Variants in SLC39A6 observed in about 807,000 individuals in gnomAD.
SLC39A6 encodes solute carrier family 39 member 6.
SLC39A6 carries 51 observed loss-of-function variants against 63.5 expected under a neutral mutation model. The ratio of observed to expected loss-of-function variants is 0.80; its 90% CI spans 0.64 to 1.01. The LOEUF (loss-of-function observed/expected upper bound fraction) is 1.01. SLC39A6 is among the 50% of genes least tolerant of loss of function. The pLI is 0.00. For synonymous variants in SLC39A6, 318 were observed against 324.7 expected, an observed-to-expected ratio of 0.98 and a Z score of 0.22; for missense variants, 805 against 927.8, an observed-to-expected ratio of 0.87 and a Z score of 1.72.
In SLC39A6 at chr18:36,111,090, C is replaced by A; in HGVS notation, c.2084G>T (p.Gly695Val). The stretch of plus-strand genomic sequence containing the variant: ...AACCAGAGCAACATACATGAATAAG[C>A]CAGCAGTAAGTGCAAATATCCACAT... ...VSMWIFALTA[G>V]LFMYVALVDM... is the part of the protein sequence containing the mutation. Residue 695 changes from glycine (G) to valine (V), a missense_variant, in exon 9 of 10, where the codon GGC becomes GTC. Gly to Val is a moderately radical substitution (Grantham distance 109). Around this residue, in one of 4 missense-constraint regions of SLC39A6, gnomAD observed 145 missense variants for 227.2 expected, o/e 0.64. Transcript: ENST00000269187. 6.2e-7 allele frequency: 1 copy of A among 1,614,034 alleles called. No individual in the cohort carries two copies. The highest frequency in any genetic ancestry group is 8.5e-7 in the Non-Finnish European group (1 of 1,179,916).
intron 4 of SLC39A6, 52 bp downstream of exon 4, chr18:36,123,439 ATTTT>A (rs991510052): frequency 6.3e-6 from 9 of 1,435,918 alleles, no homozygotes; most frequent in Non-Finnish European, 8.4e-6. Context: ...AAACCAAAAC[ATTTT>A]TTTTTCAATG....
intron 1 of SLC39A6, among the ~76,000 whole-genome samples, chr18:36,128,003 A>C (rs1385492373): frequency 6.6e-6 from 1 of 152,200 alleles, no homozygotes; most frequent in East Asian, 1.9e-4. Flanking sequence ...GAATTCTTAA[A>C]GTAAACTGAA....
chr18:36,112,638 T>C, intron 7 of SLC39A6, 57 bp from the exon 8 acceptor site: 2 of 1,312,020 alleles, frequency 1.5e-6, no homozygotes, highest in Non-Finnish European at 2.2e-6. Context: ...TTTTTAATCT[T>C]ATCAGTATGC....
Position 36,109,538 on chromosome 18 carries a change from A to G in SLC39A6, c.*55T>C, listed in dbSNP as rs745824157. 9.8e-6 allele frequency: 14 copies of G among 1,422,952 alleles called. No homozygotes were observed. The highest frequency in any genetic ancestry group is 1.8e-5 in the Admixed American group (1 of 55,584). 88.1% of individuals were successfully genotyped at this position (1,422,952 alleles called of 1,614,324 possible). On this transcript the variant is annotated 3_prime_UTR_variant, in exon 10 of 10. Coordinates refer to ENST00000269187, the MANE Select transcript of SLC39A6 (RefSeq NM_012319.4). ...GTACAGCATACAAACTCATCTCCCT[A>G]TGACCTACTGAAACTATGACAACTT...
At chr18:36,110,778 G>A (rs982131217) in intron 9 of SLC39A6, among the ~76,000 whole-genome samples, 3 of 152,048 alleles carry the variant, frequency 2.0e-5, no homozygotes, top group Non-Finnish European at 4.4e-5. Context: ...CTGACCTCAC[G>A]TGATCTGCCT....
intron 2 of SLC39A6, 95 bp from the exon 3 acceptor site, chr18:36,124,795 T>C (rs2089422809): frequency 5.0e-6 from 5 of 1,002,100 alleles, no homozygotes; most frequent in Non-Finnish European, 6.9e-6. Context: ...TACTTCGTTT[T>C]CTCGAGTTAA....
chr18:36,124,558 T>G lies in SLC39A6; in HGVS notation c.932A>C (p.Lys311Thr). The G allele has an allele frequency of 6.4e-7, 1 of 1,573,282 alleles. No individual in the cohort carries two copies. Among genetic ancestry groups the G allele is most frequent in the Non-Finnish European group, 8.7e-7 (1 of 1,148,204 alleles). ...ATAGGTCTTTGGAGGGATTTCAGCC[T>G]TCTTTTCACTTGTATGAATCAGACA... ...RSCLIHTSEK[K>T]AEIPPKTYSL... Residue 311 changes from lysine to threonine, a missense_variant, in exon 3 of 10, where the codon AAG becomes ACG. Transcript: ENST00000269187.
At chr18:36,112,311 C>T (rs187922425) in intron 8 of SLC39A6, among the ~76,000 whole-genome samples, 190 bp downstream of exon 8, 2 of 152,286 alleles carry the variant, frequency 1.3e-5, no homozygotes, top group East Asian at 3.9e-4. Flanking sequence ...AAGATGATTC[C>T]TTTGTATCCT....
In SLC39A6 at chr18:36,126,757, A is replaced by G. The variant is rs2089442933; in HGVS notation, c.251T>C (p.Ile84Thr). The change falls in exon 2 of 10, where the codon ATA becomes ACA. Residue 84 changes from isoleucine (I) to threonine (T), a missense_variant. This residue lies in a region of SLC39A6 where 639 missense variants were observed against 644.0 expected (regional missense o/e 0.99). Transcript: ENST00000269187. ...TATATGGATTCTTTTAATCTTATCT[A>G]TGCCTATATTTTGAAGTAATTTTCT... ...GFRKLLQNIG[I>T]DKIKRIHIHH... 1.2e-6 allele frequency: 2 copies of G among 1,614,170 alleles called. No individual in the cohort carries two copies. The highest frequency in any genetic ancestry group is 1.7e-6 in the Non-Finnish European group (2 of 1,180,034).
In SLC39A6 at chr18:36,109,569, G is replaced by C; in HGVS notation, c.*24C>G. 1 of 1,578,246 alleles carries C rather than the reference G, an allele frequency of 6.3e-7. No individual in the cohort carries two copies. The highest frequency in any genetic ancestry group is 1.1e-5 in the South Asian group (1 of 88,854). ...TACTGAAACTATGACAACTTTTTAA[G>C]CTACTCTAGCATTTAAACCTTAACT... On this transcript the variant is annotated 3_prime_UTR_variant, in exon 10 of 10. Transcript: ENST00000269187.
At chr18:36,124,835 C>T (rs889444064) in intron 2 of SLC39A6, 135 bp from the exon 3 acceptor site, 79 of 674,692 alleles carry the variant, frequency 1.2e-4, no homozygotes, top group African/African-American at 9.8e-4. Flanking sequence ...CTGTTTTGAG[C>T]ACTTTGGAAC....
chr18:36,126,631 T>C lies in SLC39A6; in HGVS notation c.377A>G (p.His126Arg), dbSNP rs1397848095. ...ATGATTATGGTGAGAGTGATGATCA[T>C]GGTCAGAGTGATGCTCGTGCTCTGA... ...HHSEHEHHSDHDHHSHHNHAA... is the reference protein window; with the variant it reads ...HHSEHEHHSDRDHHSHHNHAA... Residue 126 changes from histidine (H) to arginine (R), a missense_variant, in exon 2 of 10, where the codon CAT (histidine) becomes CGT (arginine). Transcript: ENST00000269187. The C allele has an allele frequency of 4.3e-6, 7 of 1,613,544 alleles. No individual in the cohort carries two copies. The highest frequency in any genetic ancestry group is 4.2e-6 in the Non-Finnish European group (5 of 1,179,502).
chr18:36,122,761 G>T (rs925699002), intron 4 of SLC39A6, among the ~76,000 whole-genome samples: 1 of 152,196 alleles, frequency 6.6e-6, no homozygotes, highest in Non-Finnish European at 1.5e-5. Flanking sequence ...AGGGAATCGG[G>T]TGTGGAACAC....
intron 1 of SLC39A6, among the ~76,000 whole-genome samples, chr18:36,127,762 T>TG (rs1398827104): frequency 3.3e-5 from 1 of 30,572 alleles, no homozygotes; most frequent in Non-Finnish European, 1.3e-4. Flanking sequence ...CATGTATACT[T>TG]AATTTTTTTT....
chr18:36,126,937 A>G lies in SLC39A6; in HGVS notation c.71T>C (p.Leu24Pro), dbSNP rs747324586. Residue 24 changes from leucine to proline, a missense_variant, in exon 2 of 10, where the codon CTA (leucine) becomes CCA (proline). Physicochemically the swap from Leu to Pro is moderately conservative, Grantham distance 98. Coordinates refer to ENST00000269187, the MANE Select transcript of SLC39A6 (RefSeq NM_012319.4). Reference protein sequence around the residue: ...ALSVTNPLHELKAAAFPQTTE... With the variant: ...ALSVTNPLHEPKAAAFPQTTE... Reference sequence around the variant, plus strand: ...GGTCTGGGGGAAAGCAGCTGCTTTTAGTTCATGAAGGGGATTTGTGACAGA... The same window carrying G: ...GGTCTGGGGGAAAGCAGCTGCTTTTGGTTCATGAAGGGGATTTGTGACAGA... 6.2e-7 allele frequency: 1 copy of G among 1,614,198 alleles called. No homozygotes were observed. Among genetic ancestry groups the G allele is most frequent in the South Asian group, 1.1e-5 (1 of 91,092 alleles).
chr18:36,114,021 T>C lies in SLC39A6; in HGVS notation c.1843+76A>G. 3 of 1,494,330 alleles carry C rather than the reference T, an allele frequency of 2.0e-6. No homozygotes were observed. In the South Asian group the frequency reaches 4.1e-5, roughly 20 times the overall value. 92.6% of individuals were successfully genotyped at this position (1,494,330 alleles called of 1,614,324 possible). A position where few individuals can be genotyped will look rare whatever the true frequency, so the allele number is the denominator to read the frequency against. Reference sequence around the variant, plus strand: ...ATCCTCATCTAAACTAATCTATTCTTTGTTAAAATTTGACTAGGTGTTTAA... The same window carrying C: ...ATCCTCATCTAAACTAATCTATTCTCTGTTAAAATTTGACTAGGTGTTTAA... On this transcript the variant is annotated intron_variant, in intron 7 of 9. Coordinates refer to ENST00000269187, the MANE Select transcript of SLC39A6 (RefSeq NM_012319.4).
chr18:36,124,160 C>T lies in SLC39A6; in HGVS notation c.970+360G>A, dbSNP rs79341734. Among the ~76,000 whole-genome samples, 1,196 of 152,232 alleles carry T rather than the reference C, an allele frequency of 7.9e-3. 22 individuals are homozygous for T. The highest frequency in any genetic ancestry group is 0.027 in the African/African-American group (1,138 of 41,520). On this transcript the variant is annotated intron_variant, in intron 3 of 9. Transcript: ENST00000269187. ...GACCCTACGCTATAGCAGAGCCTAT[C>T]CTAGCTTCACTTATCAATAAGAATG...
chr18:36,109,822 T>C (rs1024100072), intron 9 of SLC39A6, 77 bp from the exon 10 acceptor site: 5 of 1,138,614 alleles, frequency 4.4e-6, no homozygotes, highest in East Asian at 4.7e-5. Flanking sequence ...GAAAAATTTA[T>C]AGGACAGTAT....
chr18:36,127,862 C>T (rs2089453071), intron 1 of SLC39A6, among the ~76,000 whole-genome samples: 2 of 151,626 alleles, frequency 1.3e-5, no homozygotes, highest in African/African-American at 2.4e-5. Flanking sequence ...GATCCTCCAC[C>T]TCCAATTCCC....
Sources: gnomAD v4.1 joint callset for allele counts (sites outside exome capture counted in the v4.1 genomes callset) on GRCh38, gnomAD v4.1.1 for gene constraint, gnomAD v4.1.1 regional missense constraint, MANE v1.5 for transcripts, NCBI Gene and HGNC (gene_info 2026-07-23, HGNC 2026-07-21) for gene names.